The following IL1RAPL1 variants were observed in gnomAD, a reference collection of about 807,000 sequenced individuals.
The protein encoded by IL1RAPL1 is interleukin 1 receptor accessory protein like 1.
Under a neutral mutation model 48.4 loss-of-function variants are expected in IL1RAPL1, and 3 were observed. That is an observed-to-expected ratio of 0.06 (90% CI 0.03 to 0.16). The LOEUF (loss-of-function observed/expected upper bound fraction) is 0.16, where lower values mean the gene tolerates loss of function less well. IL1RAPL1 is among the 10% of genes least tolerant of loss of function. IL1RAPL1 has a pLI of 1.00. For synonymous variants in IL1RAPL1, 185 were observed against 187.7 expected, an observed-to-expected ratio of 0.99 and a Z score of 0.12; for missense variants, 349 against 530.6, an observed-to-expected ratio of 0.66 and a Z score of 3.36.
intron 1 of IL1RAPL1, among the ~76,000 whole-genome samples, chrX:28,609,685 A>T (rs948589530): frequency 9.5e-6 from 1 of 105,699 alleles, no homozygotes; most frequent in African/African-American, 3.5e-5. Flanking sequence ...TCTCTGATAT[A>T]TGCTTCCTAT....
At chrX:29,605,071 A>AACACACACAC (rs757087732) in intron 5 of IL1RAPL1, among the ~76,000 whole-genome samples, 8 of 65,048 alleles carry the variant, frequency 1.2e-4, no homozygotes, top group African/African-American at 3.9e-4. Flanking sequence ...CTAAGTCTTA[A>AACACACACAC]ACACACACAC....
rs759495673 is a variant in IL1RAPL1, at chrX:29,827,715, A to G, written c.779-89749A>G. 7.1e-5 allele frequency among the ~76,000 whole-genome samples: 8 copies of G among 112,845 alleles called. No individual in the cohort carries two copies. In the South Asian group the frequency reaches 1.5e-3, roughly 21 times the overall value. ...TGGCCCTCCACTCGTCCTTTGACCT[A>G]AAACAAATTACTTAACCACTCTGTG... is the stretch of plus-strand genomic sequence containing the variant. On this transcript the variant is annotated intron_variant, in intron 6 of 10. Coordinates refer to ENST00000378993, the MANE Select transcript of IL1RAPL1 (RefSeq NM_014271.4).
intron 6 of IL1RAPL1, among the ~76,000 whole-genome samples, chrX:29,794,816 T>C (rs1216033785): frequency 1.8e-5 from 2 of 112,194 alleles, no homozygotes; most frequent in Non-Finnish European, 3.8e-5. Context: ...GCCTCATTCA[T>C]GATAAGGCTC....
intron 3 of IL1RAPL1, among the ~76,000 whole-genome samples, chrX:29,376,378 A>T (rs5928077): frequency 0.41 from 43,056 of 104,369 alleles, 8,044 homozygotes; most frequent in Middle Eastern, 0.59. Context: ...GTATAGTTTT[A>T]TTTTTTTTTT....
At position 29,323,771 on chromosome X, in the gene IL1RAPL1, A is replaced by G. The variant is rs1202030643; in HGVS notation, c.362+40554A>G. Among the ~76,000 whole-genome samples, 4 of 41,122 alleles carry G rather than the reference A, an allele frequency of 9.7e-5. No homozygotes were observed. The South Asian group carries it at 6.8e-3, about 70-fold the overall frequency. 35.7% of individuals were successfully genotyped at this position (41,122 alleles called of 115,157 possible). A position where few individuals can be genotyped will look rare whatever the true frequency, so the allele number is the denominator to read the frequency against. On this transcript the variant is annotated intron_variant, in intron 3 of 10. Coordinates refer to ENST00000378993, the MANE Select transcript of IL1RAPL1 (RefSeq NM_014271.4). ...TATATATATATATATATATATATAT[A>G]TATATATATATATCCCCTTCTTCTT...
intron 6 of IL1RAPL1, among the ~76,000 whole-genome samples, chrX:29,829,073 T>C (rs1930807632): frequency 9.2e-6 from 1 of 108,802 alleles, no homozygotes; most frequent in Non-Finnish European, 1.9e-5. Context: ...AATGGCCAAA[T>C]ATTTTAACAA....
At chrX:29,263,503 A>G in intron 2 of IL1RAPL1, among the ~76,000 whole-genome samples, 1 of 112,138 alleles carries the variant, frequency 8.9e-6, no homozygotes, top group Non-Finnish European at 1.9e-5. Context: ...GATTACTCCT[A>G]CAATATTTGC....
At chrX:29,273,510 G>T (rs1277858985) in intron 2 of IL1RAPL1, among the ~76,000 whole-genome samples, 1 of 111,586 alleles carries the variant, frequency 9.0e-6, no homozygotes, top group Non-Finnish European at 1.9e-5. Flanking sequence ...TGTACTGGAG[G>T]GACCTAAGTG....
intron 1 of IL1RAPL1, among the ~76,000 whole-genome samples, chrX:28,588,808 A>G (rs1254511934): frequency 8.9e-6 from 1 of 112,242 alleles, no homozygotes; most frequent in Admixed American, 9.5e-5. Flanking sequence ...CAATAATATA[A>G]TTATTTACCC....
At chrX:29,499,883 G>A (rs1197331900) in intron 5 of IL1RAPL1, among the ~76,000 whole-genome samples, 2 of 111,598 alleles carry the variant, frequency 1.8e-5, no homozygotes, top group East Asian at 2.8e-4. Context: ...CATATAATTT[G>A]TAAAGATCAA....
intron 2 of IL1RAPL1, among the ~76,000 whole-genome samples, chrX:28,793,992 G>A (rs773048397): frequency 2.1e-4 from 23 of 111,499 alleles, no homozygotes; most frequent in African/African-American, 7.5e-4. Flanking sequence ...ATGGTTGAGT[G>A]AGTGGTTTTA....
chrX:28,822,519 G>A (rs983200734), intron 2 of IL1RAPL1, among the ~76,000 whole-genome samples: 1 of 111,830 alleles, frequency 8.9e-6, no homozygotes, highest in Non-Finnish European at 1.9e-5. Flanking sequence ...TGTGCCTAAT[G>A]CAGTTGTTTC....
At chrX:28,783,039 T>C (rs193283253) in intron 1 of IL1RAPL1, among the ~76,000 whole-genome samples, 127 of 111,556 alleles carry the variant, frequency 1.1e-3, no homozygotes, top group Non-Finnish European at 2.0e-3. Context: ...AAGCATATAG[T>C]CAGGACATCT....
At chrX:29,838,145 T>C (rs958682928) in intron 6 of IL1RAPL1, among the ~76,000 whole-genome samples, 2 of 112,126 alleles carry the variant, frequency 1.8e-5, no homozygotes, top group Non-Finnish European at 3.8e-5. Flanking sequence ...TGATTTACAC[T>C]GTGAGCAGAA....
intron 2 of IL1RAPL1, among the ~76,000 whole-genome samples, chrX:29,092,599 A>G (rs1928114654): frequency 8.9e-6 from 1 of 112,297 alleles, no homozygotes; most frequent in South Asian, 3.6e-4. Context: ...CAACCATTTA[A>G]AAATTGATCA....
chrX:29,774,051 A>T (rs1929131937), intron 6 of IL1RAPL1, among the ~76,000 whole-genome samples: 1 of 110,656 alleles, frequency 9.0e-6, no homozygotes, highest in Non-Finnish European at 1.9e-5. Context: ...GATATGAGAA[A>T]CTACTATTTA....
At chrX:29,089,874 A>T (rs1928051078) in intron 2 of IL1RAPL1, among the ~76,000 whole-genome samples, 1 of 99,676 alleles carries the variant, frequency 1.0e-5, no homozygotes, top group East Asian at 3.2e-4. Context: ...GTTATGTTAG[A>T]ATATGAGATG....
At chrX:29,139,944 C>T (rs956785841) in intron 2 of IL1RAPL1, among the ~76,000 whole-genome samples, 2 of 111,062 alleles carry the variant, frequency 1.8e-5, no homozygotes, top group African/African-American at 6.5e-5. Context: ...AAAGGAATCC[C>T]TGAGAGTGGA....
chrX:28,905,916 G>C (rs1247942391), intron 2 of IL1RAPL1, among the ~76,000 whole-genome samples: 1 of 111,762 alleles, frequency 8.9e-6, no homozygotes, highest in East Asian at 2.8e-4. Flanking sequence ...AAGAAGGCAA[G>C]TATATTATTA....
Sources: allele counts gnomAD v4.1 joint callset (sites outside exome capture counted in the v4.1 genomes callset), GRCh38; gene constraint gnomAD v4.1.1; transcripts MANE v1.5; gene names NCBI Gene and HGNC (gene_info 2026-07-23, HGNC 2026-07-21).